The following SLC5A10 variants were observed in gnomAD, a reference collection of about 807,000 sequenced individuals.
The protein encoded by SLC5A10 is sodium/mannose cotransporter SLC5A10.
In SLC5A10, 55 loss-of-function variants were observed where a neutral mutation model predicts 68.9. That is an observed-to-expected ratio of 0.80 (90% CI 0.64 to 1.00). The LOEUF is 1.00. Among genes scored for constraint, SLC5A10 ranks in the 50% least tolerant of loss-of-function variants. The pLI, the probability that SLC5A10 is intolerant of heterozygous loss-of-function variation, is 0.00. For missense variants in SLC5A10, 732 were observed against 819.3 expected, an observed-to-expected ratio of 0.89 and a Z score of 1.30; for synonymous variants, 344 against 344.8, an observed-to-expected ratio of 1.00 and a Z score of 0.02.
chr17:18,986,936 C>T (rs1010340952), intron 9 of SLC5A10, among the ~76,000 whole-genome samples: 4 of 152,222 alleles, frequency 2.6e-5, no homozygotes, highest in African/African-American at 7.2e-5. Context: ...GCACTAATTA[C>T]GCGGCGGGGA....
At position 18,971,181 on chromosome 17, in the gene SLC5A10, T is replaced by C. The variant is rs1325481443; in HGVS notation, c.809T>C (p.Leu270Pro). The C allele has an allele frequency of 1.2e-6, 2 of 1,613,918 alleles. No homozygotes were observed. Among genetic ancestry groups the C allele is most frequent in the Admixed American group, 3.3e-5 (2 of 60,010 alleles). Residue 270 changes from leucine (L) to proline (P), a missense_variant, in exon 8 of 15, where the codon CTG (leucine) becomes CCG (proline). By Grantham distance (98) the Leu-to-Pro change is moderately conservative. Transcript: ENST00000395645. The surrounding 1 kb of genome is among the most constrained non-coding windows in gnomAD (Gnocchi z 5.5). ...DLPWTGMTFG[L>P]TIMATWYWCT... ...CCGTGGACCGGGATGACCTTTGGCC[T>C]GACCATCATGGCCACCTGGTACTGG... is the stretch of plus-strand genomic sequence containing the variant.
In SLC5A10 at chr17:18,956,196, A is replaced by AAAATAAAT. The variant is rs71155382; in HGVS notation, c.112-2447_112-2440dup. Reference sequence around the variant, plus strand: ...GCAACAAGAGCGAAACTCTGTCTCAAAAATAAATAAATAAATAAATAAATA... The same window carrying AAAATAAAT: ...GCAACAAGAGCGAAACTCTGTCTCAAAAATAAATAAATAAATAAATAAATAAATAAATA... On this transcript the variant is annotated intron_variant, in intron 1 of 14. Transcript: ENST00000395645. Among the ~76,000 whole-genome samples, 22 of 143,870 alleles carry AAAATAAAT rather than the reference A, an allele frequency of 1.5e-4. No homozygotes were observed. In the East Asian group the frequency reaches 1.8e-3, roughly 12 times the overall value. 94.4% of individuals were successfully genotyped at this position (143,870 alleles called of 152,430 possible).
At chr17:18,981,567 C>A (rs1210387414) in intron 9 of SLC5A10, among the ~76,000 whole-genome samples, 1 of 152,158 alleles carries the variant, frequency 6.6e-6, no homozygotes, top group Non-Finnish European at 1.5e-5. Context: ...GCCATGCCAT[C>A]CAGCCTCCTG....
intron 9 of SLC5A10, chr17:18,988,173 T>TACAA (rs2043316878): frequency 1.3e-6 from 2 of 1,559,980 alleles, no homozygotes; most frequent in Admixed American, 3.4e-5. Context: ...AGCAGGCAGG[T>TACAA]ACTCGAAGTG....
At chr17:19,010,979 T>TGTGCCTTTCCTCCCTCCTCCC (rs1447098628) in intron 9 of SLC5A10, among the ~76,000 whole-genome samples, 1 of 152,222 alleles carries the variant, frequency 6.6e-6, no homozygotes, top group African/African-American at 2.4e-5. Context: ...CCTCTCCTCC[T>TGTGCCTTTCCTCCCTCCTCCC]GTGCCTTTCC....
chr17:18,972,863 C>T (rs1254459231), intron 8 of SLC5A10, among the ~76,000 whole-genome samples: 7 of 115,538 alleles, frequency 6.1e-5, no homozygotes, highest in South Asian at 3.4e-4. Flanking sequence ...AGCGAGACTC[C>T]GTCTAAAAAA....
At chr17:18,952,720 G>A (rs1159635556) in intron 1 of SLC5A10, among the ~76,000 whole-genome samples, 1 of 149,954 alleles carries the variant, frequency 6.7e-6, no homozygotes, top group Non-Finnish European at 1.5e-5. Flanking sequence ...AGAATCCGGA[G>A]GCAGGGAGGG....
intron 8 of SLC5A10, among the ~76,000 whole-genome samples, chr17:18,974,694 G>A (rs2042936676): frequency 6.6e-6 from 1 of 152,242 alleles, no homozygotes; most frequent in Non-Finnish European, 1.5e-5. Context: ...ACATTCACCG[G>A]AGGCCCTTGA....
intron 10 of SLC5A10, among the ~76,000 whole-genome samples, chr17:19,014,774 A>G (rs1467377133): frequency 1.3e-5 from 2 of 152,176 alleles, no homozygotes; most frequent in East Asian, 1.9e-4. Context: ...CAGCCTCAGC[A>G]TTATGAGTAA....
rs372035924 is a variant in SLC5A10, at chr17:18,971,428, G to A, written c.846+210G>A. The A allele has an allele frequency of 5.0e-6, 8 of 1,613,654 alleles. No homozygotes were observed. Among genetic ancestry groups the A allele is most frequent in the East Asian group, 2.2e-5 (1 of 44,888 alleles). ...AATCCGATGAGGCCCACTGGCTACC[G>A]CCCGTCCTGGCCTTTAGGTGCTTCG... On this transcript the variant is annotated intron_variant, in intron 8 of 14. Coordinates refer to ENST00000395645, the MANE Select transcript of SLC5A10 (RefSeq NM_001042450.4). The surrounding 1 kb of genome is among the most constrained non-coding windows in gnomAD (Gnocchi z 5.5).
At chr17:18,977,190 C>A in intron 9 of SLC5A10, 2 of 689,524 alleles carry the variant, frequency 2.9e-6, no homozygotes, top group Non-Finnish European at 4.8e-6. Flanking sequence ...GGACAGGTAT[C>A]ACTTACTGCT....
Position 19,019,803 on chromosome 17 carries a change from C to G in SLC5A10, c.1501C>G (p.Pro501Ala). 1 of 1,613,280 alleles carries G rather than the reference C, an allele frequency of 6.2e-7. No homozygotes were observed. Residue 501 changes from proline (P) to alanine (A), a missense_variant, in exon 13 of 15, where the codon CCA (proline) becomes GCA (alanine). By Grantham distance (27) the Pro-to-Ala change is conservative. Coordinates refer to ENST00000395645, the MANE Select transcript of SLC5A10 (RefSeq NM_001042450.4). ...GAACCCAGCCCCACCGTGCGGAGAGCCAGACACGCGGCCAGCCGTCCTGGG... is the reference window on the plus strand; with the variant it reads ...GAACCCAGCCCCACCGTGCGGAGAGGCAGACACGCGGCCAGCCGTCCTGGG... ...FLNPAPPCGE[P>A]DTRPAVLGSI...
At chr17:19,019,624 G>A (rs200095095) in intron 12 of SLC5A10, 33 bp downstream of exon 12, 9 of 1,606,040 alleles carry the variant, frequency 5.6e-6, no homozygotes, top group African/African-American at 5.3e-5. Flanking sequence ...CCCTGGGGAC[G>A]TGCCACAATT....
In SLC5A10 at chr17:18,971,002, G is replaced by A. The variant is rs1424704787; in HGVS notation, c.641-11G>A. 1 of 1,613,550 alleles carries A rather than the reference G, an allele frequency of 6.2e-7. No individual in the cohort carries two copies. Among genetic ancestry groups the A allele is most frequent in the Non-Finnish European group, 8.5e-7 (1 of 1,179,940 alleles). ...CACCAAACTGTCCCTGTTCCACCCT[G>A]ACCCCTCCAGCTTTTGACCAGATCG... On this transcript the variant is annotated splice_polypyrimidine_tract_variant and intron_variant, in intron 7 of 14. Coordinates refer to ENST00000395645, the MANE Select transcript of SLC5A10 (RefSeq NM_001042450.4). This position sits in a 1 kb window ranked among gnomAD's most constrained non-coding sequence, Gnocchi z 5.5.
intron 14 of SLC5A10, 35 bp downstream of exon 14, chr17:19,020,247 AC>A: frequency 1.2e-6 from 2 of 1,613,082 alleles, no homozygotes; most frequent in Non-Finnish European, 1.7e-6. Flanking sequence ...CTCCACCTTG[AC>A]CCTGGCCTGG....
At chr17:18,995,712 A>C (rs1020219936) in intron 9 of SLC5A10, among the ~76,000 whole-genome samples, 1 of 152,156 alleles carries the variant, frequency 6.6e-6, no homozygotes, top group Non-Finnish European at 1.5e-5. Flanking sequence ...GTTGGAGACC[A>C]GCCTGGCCAA....
chr17:19,019,670 C>T (rs2044219203), intron 12 of SLC5A10, 43 bp from the exon 13 acceptor site: 13 of 1,602,434 alleles, frequency 8.1e-6, no homozygotes, highest in South Asian at 1.1e-5. Context: ...GAGCCTTGGT[C>T]CTCCTCCCGT....
At chr17:18,994,288 G>A (rs970346796) in intron 9 of SLC5A10, among the ~76,000 whole-genome samples, 2 of 152,208 alleles carry the variant, frequency 1.3e-5, no homozygotes, top group African/African-American at 4.8e-5. Context: ...GAACAAACCA[G>A]CTGAGCCCTA....
Position 19,000,318 on chromosome 17 carries a change from G to A in SLC5A10, c.983-13092G>A, listed in dbSNP as rs1222218473. Among the ~76,000 whole-genome samples the A allele has an allele frequency of 1.3e-5, 2 of 152,204 alleles. No individual in the cohort carries two copies. Among genetic ancestry groups the A allele is most frequent in the Admixed American group, 6.5e-5 (1 of 15,286 alleles). On this transcript the variant is annotated intron_variant, in intron 9 of 14. Coordinates refer to ENST00000395645, the MANE Select transcript of SLC5A10 (RefSeq NM_001042450.4). The surrounding 1 kb of genome is among the most constrained non-coding windows in gnomAD (Gnocchi z 5.2). ...GTCTAGGATCACAGGGCAGCAAGGT[G>A]TCAGGGCTGAAGGGGCCCCTAACAG...
Sources: allele counts gnomAD v4.1 joint callset (sites outside exome capture counted in the v4.1 genomes callset), GRCh38; gene constraint gnomAD v4.1.1; non-coding constraint Gnocchi (gnomAD v3.1); transcripts MANE v1.5; gene names NCBI Gene and HGNC (gene_info 2026-07-23, HGNC 2026-07-21).